The following MAML2 variants were observed in gnomAD, a reference collection of about 807,000 sequenced individuals.
MAML2 encodes mastermind-like protein 2.
In MAML2, 22 loss-of-function variants were observed where a neutral mutation model predicts 96.1. The observed-to-expected ratio is 0.23, with a 90% CI of 0.16 to 0.33. The LOEUF (loss-of-function observed/expected upper bound fraction) is 0.33. MAML2 is among the 10% of genes least tolerant of loss of function. The probability of loss-of-function intolerance (pLI) is 1.00; values close to 1 mark genes in which losing one functional copy is unlikely to be tolerated. For missense variants in MAML2, 1,367 were observed against 1,392.4 expected, an observed-to-expected ratio of 0.98 and a Z score of 0.29; for synonymous variants, 561 against 521.3, an observed-to-expected ratio of 1.08 and a Z score of -1.04.
intron 1 of MAML2, among the ~76,000 whole-genome samples, chr11:96,252,465 C>T (rs1314609974): frequency 6.8e-5 from 9 of 133,240 alleles, no homozygotes; most frequent in African/African-American, 2.2e-4. Context: ...CTCGCTCTGT[C>T]ACGAGGCTGG....
intron 1 of MAML2, among the ~76,000 whole-genome samples, chr11:96,255,826 C>A (rs1023908494): frequency 2.1e-5 from 3 of 146,112 alleles, no homozygotes; most frequent in African/African-American, 7.6e-5. Flanking sequence ...TGCTTATTGT[C>A]GGACTTTTTG....
chr11:96,272,802 C>T (rs1862935800), intron 1 of MAML2, among the ~76,000 whole-genome samples: 1 of 152,154 alleles, frequency 6.6e-6, no homozygotes, highest in Admixed American at 6.5e-5. Flanking sequence ...TACAATTAAG[C>T]TATTTAAGCC....
chr11:96,301,290 G>A (rs1416837083), intron 1 of MAML2, among the ~76,000 whole-genome samples: 1 of 152,084 alleles, frequency 6.6e-6, no homozygotes, highest in Non-Finnish European at 1.5e-5. Flanking sequence ...CTGTCACCAG[G>A]ACTGGGACAA....
intron 1 of MAML2, among the ~76,000 whole-genome samples, chr11:96,171,274 T>C (rs2135900528): frequency 6.6e-6 from 1 of 152,290 alleles, no homozygotes; most frequent in South Asian, 2.1e-4. Flanking sequence ...CTAACGGTGA[T>C]ATGTCATCAC....
chr11:96,145,692 A>G (rs1258754420), intron 1 of MAML2, among the ~76,000 whole-genome samples: 1 of 152,202 alleles, frequency 6.6e-6, no homozygotes, highest in African/African-American at 2.4e-5. Flanking sequence ...TGATAAAATC[A>G]TGATGTGTGA....
intron 3 of MAML2, among the ~76,000 whole-genome samples, chr11:95,988,589 T>C (rs1857864997): frequency 6.8e-6 from 1 of 148,108 alleles, no homozygotes; most frequent in Admixed American, 6.8e-5. Flanking sequence ...AATATTTATA[T>C]TACATATATC....
intron 1 of MAML2, among the ~76,000 whole-genome samples, chr11:96,241,897 A>G (rs1198313194): frequency 6.6e-6 from 1 of 152,226 alleles, no homozygotes; most frequent in East Asian, 1.9e-4. Context: ...ATTTTTGAAC[A>G]TATTTTGCTT....
chr11:96,068,955 T>G (rs1202455566), intron 2 of MAML2, among the ~76,000 whole-genome samples: 6 of 136,124 alleles, frequency 4.4e-5, no homozygotes, highest in Non-Finnish European at 9.3e-5. Flanking sequence ...ACAGTCTTCC[T>G]CTTCCATCTA....
At chr11:96,065,264 A>G (rs1290102507) in intron 2 of MAML2, among the ~76,000 whole-genome samples, 1 of 152,216 alleles carries the variant, frequency 6.6e-6, no homozygotes, top group African/African-American at 2.4e-5. Flanking sequence ...AAAAATAGAG[A>G]GAAGTTCTTG....
At chr11:96,235,160 C>T (rs1392909844) in intron 1 of MAML2, among the ~76,000 whole-genome samples, 1 of 152,150 alleles carries the variant, frequency 6.6e-6, no homozygotes, top group Admixed American at 6.5e-5. Flanking sequence ...GGATGTGGCT[C>T]ATAAAGAAGC....
chr11:96,114,820 T>C (rs755522160), intron 1 of MAML2, among the ~76,000 whole-genome samples: 1 of 152,188 alleles, frequency 6.6e-6, no homozygotes, highest in Non-Finnish European at 1.5e-5. Context: ...GGATTAAGTA[T>C]ACCTGGAATG....
At chr11:96,331,648 A>AAG (rs1863855729) in intron 1 of MAML2, among the ~76,000 whole-genome samples, 1 of 151,426 alleles carries the variant, frequency 6.6e-6, no homozygotes, top group Non-Finnish European at 1.5e-5. Context: ...AAATACAAAA[A>AAG]AAAAAGAAAA....
At chr11:96,026,214 G>A (rs570305542) in intron 2 of MAML2, among the ~76,000 whole-genome samples, 1 of 152,330 alleles carries the variant, frequency 6.6e-6, no homozygotes, top group East Asian at 1.9e-4. Context: ...GACTAAGAGT[G>A]TTCAAAGAAG....
At chr11:96,171,065 G>A (rs758527291) in intron 1 of MAML2, among the ~76,000 whole-genome samples, 3 of 151,570 alleles carry the variant, frequency 2.0e-5, no homozygotes, top group Non-Finnish European at 4.4e-5. Flanking sequence ...CAGACTAGTT[G>A]AGCCCTGGGT....
intron 1 of MAML2, among the ~76,000 whole-genome samples, chr11:96,275,351 C>T (rs986698182): frequency 1.4e-5 from 2 of 140,760 alleles, no homozygotes; most frequent in African/African-American, 5.4e-5. Flanking sequence ...GATCTCTGCT[C>T]ACTGCAAGCT....
intron 1 of MAML2, among the ~76,000 whole-genome samples, chr11:96,172,348 C>T (rs1861309852): frequency 1.3e-5 from 2 of 152,224 alleles, no homozygotes; most frequent in African/African-American, 2.4e-5. Flanking sequence ...TGATGAAGTG[C>T]ATCAGAGCCA....
intron 2 of MAML2, among the ~76,000 whole-genome samples, chr11:96,037,075 G>A (rs1260615596): frequency 2.6e-5 from 4 of 152,158 alleles, no homozygotes; most frequent in Admixed American, 6.5e-5. Context: ...CTGGGCTCTT[G>A]CCAGTACTTG....
chr11:96,155,525 T>C (rs1266661983), intron 1 of MAML2, among the ~76,000 whole-genome samples: 12 of 63,904 alleles, frequency 1.9e-4, no homozygotes, highest in Admixed American at 8.8e-4. Flanking sequence ...TATATATATA[T>C]ATATATATAT....
intron 1 of MAML2, among the ~76,000 whole-genome samples, chr11:96,233,516 T>C (rs1340183460): frequency 6.6e-6 from 1 of 152,076 alleles, no homozygotes; most frequent in Non-Finnish European, 1.5e-5. Context: ...CAATCGATCC[T>C]CCTGCCTCAG....
Sources: gnomAD v4.1 joint callset for allele counts (sites outside exome capture counted in the v4.1 genomes callset) on GRCh38, gnomAD v4.1.1 for gene constraint, MANE v1.5 for transcripts, NCBI Gene and HGNC (gene_info 2026-07-23, HGNC 2026-07-21) for gene names.